Variants in GABRB2 observed in about 807,000 individuals in gnomAD.
The protein encoded by GABRB2 is gamma-aminobutyric acid type A receptor subunit beta2.
Under a neutral mutation model 54.7 loss-of-function variants are expected in GABRB2, and 16 were observed. That is an observed-to-expected ratio of 0.29 (90% CI 0.20 to 0.44). GABRB2 has a LOEUF of 0.44. Among genes scored for constraint, GABRB2 ranks in the 20% least tolerant of loss-of-function variants. GABRB2 has a pLI of 1.00. For missense variants in GABRB2, 355 were observed against 644.0 expected, an observed-to-expected ratio of 0.55 and a Z score of 4.86; for synonymous variants, 244 against 233.8, an observed-to-expected ratio of 1.04 and a Z score of -0.40.
chr5:161,523,530 TCA>T, intron 3 of GABRB2, among the ~76,000 whole-genome samples: 1 of 151,230 alleles, frequency 6.6e-6, no homozygotes, highest in Non-Finnish European at 1.5e-5. Flanking sequence ...TACAACAATT[TCA>T]GATGTAAGAA....
intron 3 of GABRB2, among the ~76,000 whole-genome samples, chr5:161,528,510 T>G (rs1016960071): frequency 1.4e-4 from 21 of 151,792 alleles, no homozygotes; most frequent in African/African-American, 4.8e-4. Flanking sequence ...TTTAAGAAAT[T>G]TGTACAGGTT....
chr5:161,351,321 A>G (rs1754463368), intron 5 of GABRB2, among the ~76,000 whole-genome samples: 1 of 152,136 alleles, frequency 6.6e-6, no homozygotes. Flanking sequence ...ATAGTAATCA[A>G]AATAGCATGG....
chr5:161,396,015 T>C (rs1755987804), intron 5 of GABRB2, among the ~76,000 whole-genome samples: 2 of 152,200 alleles, frequency 1.3e-5, no homozygotes, highest in Non-Finnish European at 2.9e-5. Flanking sequence ...TCCTGCATTC[T>C]ATAACCAAAG....
chr5:161,401,860 T>A (rs1279566928), intron 5 of GABRB2, among the ~76,000 whole-genome samples: 1 of 152,120 alleles, frequency 6.6e-6, no homozygotes, highest in Non-Finnish European at 1.5e-5. Flanking sequence ...TCTTATATAT[T>A]AGTGTATTCA....
At chr5:161,307,693 T>G (rs1160083909) in intron 9 of GABRB2, among the ~76,000 whole-genome samples, 3 of 152,158 alleles carry the variant, frequency 2.0e-5, no homozygotes, top group Middle Eastern at 3.4e-3. Flanking sequence ...TGAGATAAGA[T>G]AGTTATGGAG....
intron 9 of GABRB2, among the ~76,000 whole-genome samples, chr5:161,318,048 T>C (rs17059307): frequency 0.072 from 10,916 of 152,038 alleles, 627 homozygotes; most frequent in Admixed American, 0.16. Flanking sequence ...GTGTTTTTTT[T>C]CTCAGGAAGA....
intron 5 of GABRB2, among the ~76,000 whole-genome samples, chr5:161,341,297 TA>T (rs150894828): frequency 7.4e-5 from 11 of 149,398 alleles, no homozygotes; most frequent in South Asian, 4.2e-4. Context: ...TAATGATGAG[TA>T]AAAAAAAAAT....
chr5:161,385,461 AT>A (rs1755595764), intron 5 of GABRB2, among the ~76,000 whole-genome samples: 1 of 152,182 alleles, frequency 6.6e-6, no homozygotes. Flanking sequence ...CTGTCATTTC[AT>A]AGTATCCTTA....
At chr5:161,524,280 A>G (rs1360820032) in intron 3 of GABRB2, among the ~76,000 whole-genome samples, 1 of 151,134 alleles carries the variant, frequency 6.6e-6, no homozygotes, top group Non-Finnish European at 1.5e-5. Context: ...AAACTTGAAC[A>G]TAAGCTACAA....
At chr5:161,483,834 T>C (rs1411030303) in intron 3 of GABRB2, among the ~76,000 whole-genome samples, 1 of 152,044 alleles carries the variant, frequency 6.6e-6, no homozygotes, top group South Asian at 2.1e-4. Context: ...ATGAAAAAAG[T>C]CTTTCTCCCA....
At chr5:161,410,912 G>A (rs1258038681) in intron 5 of GABRB2, 63 bp downstream of exon 5, 3 of 1,249,360 alleles carry the variant, frequency 2.4e-6, no homozygotes, top group African/African-American at 1.5e-5. Flanking sequence ...GCCAGGACTG[G>A]AGGCCTCTGC....
chr5:161,352,923 G>T (rs921451722), intron 5 of GABRB2, among the ~76,000 whole-genome samples: 2 of 151,864 alleles, frequency 1.3e-5, no homozygotes, highest in Non-Finnish European at 2.9e-5. Flanking sequence ...TTTGGAATCA[G>T]GTAGATTTCC....
At chr5:161,498,837 G>T (rs548011059) in intron 3 of GABRB2, among the ~76,000 whole-genome samples, 1 of 152,202 alleles carries the variant, frequency 6.6e-6, no homozygotes, top group East Asian at 1.9e-4. Flanking sequence ...CAGACTTGTT[G>T]GTTCCTTGCT....
At chr5:161,320,439 T>C (rs1758177661) in intron 9 of GABRB2, among the ~76,000 whole-genome samples, 1 of 151,918 alleles carries the variant, frequency 6.6e-6, no homozygotes, top group Non-Finnish European at 1.5e-5. Flanking sequence ...TTAATGTTTC[T>C]GTCATTTCCT....
intron 3 of GABRB2, among the ~76,000 whole-genome samples, chr5:161,531,315 A>T (rs72815517): frequency 2.6e-5 from 4 of 152,276 alleles, no homozygotes; most frequent in Non-Finnish European, 5.9e-5. Context: ...GTTGATGAAA[A>T]TTCTATATCC....
At chr5:161,487,189 G>A (rs1758952247) in intron 3 of GABRB2, among the ~76,000 whole-genome samples, 4 of 151,922 alleles carry the variant, frequency 2.6e-5, no homozygotes, top group South Asian at 2.1e-4. Flanking sequence ...TCTTTTGTGC[G>A]GTGACAAGCC....
chr5:161,409,301 A>T (rs1480615150), intron 5 of GABRB2, among the ~76,000 whole-genome samples: 1 of 152,108 alleles, frequency 6.6e-6, no homozygotes, highest in African/African-American at 2.4e-5. Flanking sequence ...AAATATTAAT[A>T]TTGACCTTAT....
Position 161,349,319 on chromosome 5 carries a change from A to G in GABRB2, c.542-12550T>C, listed in dbSNP as rs1754404673. ...TTAAATGATTATTAAGATATTGAAAATTAAATAACTGCCATTTATTAAACA... is the reference window on the plus strand; with the variant it reads ...TTAAATGATTATTAAGATATTGAAAGTTAAATAACTGCCATTTATTAAACA... On this transcript the variant is annotated intron_variant, in intron 5 of 9. Transcript: ENST00000393959. 2.0e-5 allele frequency among the ~76,000 whole-genome samples: 3 copies of G among 152,132 alleles called. No homozygotes were observed. In the South Asian group the frequency reaches 6.2e-4, roughly 32 times the overall value.
chr5:161,389,822 C>T (rs1755763976), intron 5 of GABRB2, among the ~76,000 whole-genome samples: 1 of 151,738 alleles, frequency 6.6e-6, no homozygotes, highest in South Asian at 2.1e-4. Context: ...AACAAATTAC[C>T]CCAAACCTGA....
Sources: gnomAD v4.1 joint callset for allele counts (sites outside exome capture counted in the v4.1 genomes callset) on GRCh38, gnomAD v4.1.1 for gene constraint, MANE v1.5 for transcripts, NCBI Gene and HGNC (gene_info 2026-07-23, HGNC 2026-07-21) for gene names.